DNAJC13: variants seen among roughly 807,000 people sequenced by gnomAD.
DNAJC13 encodes DnaJ heat shock protein family (Hsp40) member C13.
In DNAJC13, 75 loss-of-function variants were observed where a neutral mutation model predicts 290.5. The ratio of observed to expected loss-of-function variants is 0.26; its 90% CI spans 0.21 to 0.31. The LOEUF (loss-of-function observed/expected upper bound fraction) is 0.31. Among genes scored for constraint, DNAJC13 ranks in the 10% least tolerant of loss-of-function variants. The pLI is 1.00. For synonymous variants in DNAJC13, 862 were observed against 892.0 expected, an observed-to-expected ratio of 0.97 and a Z score of 0.60; for missense variants, 2,260 against 2,674.5, an observed-to-expected ratio of 0.85 and a Z score of 3.42.
intron 42 of DNAJC13, among the ~76,000 whole-genome samples, chr3:132,506,045 C>CTTTTTTTTTTTTTTTTTTTTTTTTTT (rs573857472): frequency 2.8e-5 from 2 of 72,646 alleles, no homozygotes; most frequent in African/African-American, 4.3e-5. Context: ...TGTACATTAT[C>CTTTTTTTTTTTTTTTTTTTTTTTTTT]TTTTTTTTTT....
intron 41 of DNAJC13, among the ~76,000 whole-genome samples, chr3:132,504,515 A>G (rs1333970522): frequency 6.6e-6 from 1 of 152,120 alleles, no homozygotes; most frequent in Non-Finnish European, 1.5e-5. Flanking sequence ...AAAATTTTTT[A>G]TAGCATTTCA....
intron 1 of DNAJC13, among the ~76,000 whole-genome samples, chr3:132,433,881 T>C (rs759655044): frequency 2.6e-4 from 39 of 152,204 alleles, no homozygotes; most frequent in African/African-American, 4.8e-5. Context: ...CTAAAGGTTA[T>C]GATAAAGAGT....
intron 43 of DNAJC13, among the ~76,000 whole-genome samples, chr3:132,509,725 C>T (rs1162660150): frequency 6.6e-6 from 1 of 152,188 alleles, no homozygotes; most frequent in African/African-American, 2.4e-5. Flanking sequence ...CTGTCAACAT[C>T]AAGGTGACAT....
rs750228844 is a variant in DNAJC13, at chr3:132,497,259, G to A, written c.4156+596G>A. On this transcript the variant is annotated intron_variant, in intron 36 of 55. Transcript: ENST00000260818. ...AGTGTTTGTGGGGCCATTTGCAGTA[G>A]CCCTAACAGTAGCAGTCAGAAAGCC... 4.3e-4 allele frequency among the ~76,000 whole-genome samples: 66 copies of A among 152,338 alleles called. 1 individual carries two copies. The highest frequency in any genetic ancestry group is 1.2e-3 in the South Asian group (6 of 4,828).
At chr3:132,438,087 A>G (rs1310019561) in intron 2 of DNAJC13, among the ~76,000 whole-genome samples, 1 of 150,522 alleles carries the variant, frequency 6.6e-6, no homozygotes, top group East Asian at 1.9e-4. Flanking sequence ...ACAGTTTGGT[A>G]GGCATTACAT....
chr3:132,475,174 A>G, intron 22 of DNAJC13, 89 bp downstream of exon 22: 1 of 955,704 alleles, frequency 1.0e-6, no homozygotes, highest in Non-Finnish European at 1.5e-6. Flanking sequence ...ATTTGTAATT[A>G]CATATCTGGT....
rs111708179 is a variant in DNAJC13, at chr3:132,487,612, A to G, written c.3268-686A>G. Among the ~76,000 whole-genome samples the G allele has an allele frequency of 6.2e-3, 838 of 134,806 alleles. 11 individuals carry two copies. Among genetic ancestry groups the G allele is most frequent in the East Asian group, 0.031 (139 of 4,538 alleles). 88.4% of individuals were successfully genotyped at this position (134,806 alleles called of 152,430 possible). A position where few individuals can be genotyped will look rare whatever the true frequency, so the allele number is the denominator to read the frequency against. Reference sequence around the variant, plus strand: ...GCATTTGACCCCGAATTGAGGATTCATTGGAAGCAAGTGTTTTATAGAAAA... The same window carrying G: ...GCATTTGACCCCGAATTGAGGATTCGTTGGAAGCAAGTGTTTTATAGAAAA... On this transcript the variant is annotated intron_variant, in intron 29 of 55. Coordinates refer to ENST00000260818, the MANE Select transcript of DNAJC13 (RefSeq NM_015268.4).
chr3:132,532,842 A>G (rs1432308709), intron 55 of DNAJC13, among the ~76,000 whole-genome samples: 1 of 150,518 alleles, frequency 6.6e-6, no homozygotes, highest in Non-Finnish European at 1.5e-5. Flanking sequence ...GATTCAAGTG[A>G]TTCTCCTGCC....
chr3:132,504,451 T>C (rs1163260235), intron 41 of DNAJC13, among the ~76,000 whole-genome samples: 1 of 152,154 alleles, frequency 6.6e-6, no homozygotes, highest in Non-Finnish European at 1.5e-5. Context: ...CTGAAAGCAT[T>C]CTCTTCAGAA....
At chr3:132,506,068 T>TTTTTTTTTG (rs1935576378) in intron 42 of DNAJC13, among the ~76,000 whole-genome samples, 1 of 140,188 alleles carries the variant, frequency 7.1e-6, no homozygotes, top group Non-Finnish European at 1.5e-5. Flanking sequence ...TTTTTTTTTT[T>TTTTTTTTTG]GAGATGGAAT....
intron 31 of DNAJC13, 63 bp downstream of exon 31, chr3:132,489,084 TC>T: frequency 4.5e-6 from 6 of 1,331,178 alleles, no homozygotes; most frequent in Non-Finnish European, 6.4e-6. Flanking sequence ...CTATAAAGTT[TC>T]CTGAGCTGTG....
Position 132,466,348 on chromosome 3 carries a change from A to C in DNAJC13, c.2018A>C (p.Lys673Thr). Reference protein sequence around the residue: ...YLESSDLVPEKDADRMHVRDN... With the variant: ...YLESSDLVPETDADRMHVRDN... ...GAAAGCTCAGATCTCGTACCTGAGA[A>C]GGATGCTGATCGGATGCATGTTAGA... Residue 673 changes from lysine to threonine, a missense_variant, in exon 19 of 56, where the codon AAG (lysine) becomes ACG (threonine). By Grantham distance (78) the Lys-to-Thr change is moderately conservative (BLOSUM62 -1). This residue lies in a region of DNAJC13 where 762 missense variants were observed against 964.1 expected (regional missense o/e 0.79). Transcript: ENST00000260818. The C allele has an allele frequency of 6.2e-7, 1 of 1,603,780 alleles. No individual in the cohort carries two copies. The highest frequency in any genetic ancestry group is 8.5e-7 in the Non-Finnish European group (1 of 1,177,224).
chr3:132,450,542 G>T (rs1016476779), intron 5 of DNAJC13, 105 bp from the exon 6 acceptor site: 7 of 710,230 alleles, frequency 9.9e-6, no homozygotes, highest in Non-Finnish European at 1.6e-5. Context: ...TATTTACGAT[G>T]ACAGTTAGAT....
intron 29 of DNAJC13, 95 bp from the exon 30 acceptor site, chr3:132,488,203 A>C: frequency 9.1e-7 from 1 of 1,099,110 alleles, no homozygotes; most frequent in Non-Finnish European, 1.2e-6. Context: ...TATAATTTAC[A>C]TAAGGAGCTA....
chr3:132,526,988 A>G (rs1404603619), intron 53 of DNAJC13, among the ~76,000 whole-genome samples: 2 of 152,170 alleles, frequency 1.3e-5, no homozygotes, highest in East Asian at 1.9e-4. Flanking sequence ...GTCAAAAAGT[A>G]CAGTTTCTGT....
chr3:132,523,891 G>C, intron 51 of DNAJC13, 178 bp downstream of exon 51: 1 of 598,182 alleles, frequency 1.7e-6, no homozygotes, highest in Non-Finnish European at 2.8e-6. Flanking sequence ...GTTCAAAAGT[G>C]AAGCTCTTTA....
At chr3:132,429,890 A>G (rs1407650119) in intron 1 of DNAJC13, among the ~76,000 whole-genome samples, 1 of 152,192 alleles carries the variant, frequency 6.6e-6, no homozygotes, top group Non-Finnish European at 1.5e-5. Flanking sequence ...TATTGGATGC[A>G]GAGTAAAACA....
chr3:132,479,341 T>A lies in DNAJC13; in HGVS notation c.2772+52T>A, dbSNP rs532240466. 509 of 1,230,320 alleles carry A rather than the reference T, an allele frequency of 4.1e-4. 1 individual carries two copies. The highest frequency in any genetic ancestry group is 4.6e-4 in the Non-Finnish European group (388 of 837,228). The allele number at this position is 1,230,320 out of a possible 1,614,324, so 76.2% of individuals were successfully genotyped here. A position where few individuals can be genotyped will look rare whatever the true frequency, so the allele number is the denominator to read the frequency against. ...GTTATTTCCAAGTCATATAAGTATG[T>A]AAGATAAACTCACAGTTTGAGTTGA... On this transcript the variant is annotated intron_variant, in intron 25 of 55. Coordinates refer to ENST00000260818, the MANE Select transcript of DNAJC13 (RefSeq NM_015268.4).
chr3:132,447,807 C>G lies in DNAJC13; in HGVS notation c.295-91C>G, dbSNP rs1933300382. 3.0e-6 allele frequency: 3 copies of G among 997,058 alleles called. No homozygotes were observed. In the East Asian group the frequency reaches 7.3e-5, roughly 24 times the overall value. The allele number at this position is 997,058 out of a possible 1,614,324, so 61.8% of individuals were successfully genotyped here. ...GTTTTTAGTGTCCAGGTTACCAAGT[C>G]AGGATTTTACTTGCTTTGAGTAGAA... On this transcript the variant is annotated intron_variant, in intron 4 of 55. Transcript: ENST00000260818.
Sources: gnomAD v4.1 joint callset for allele counts (sites outside exome capture counted in the v4.1 genomes callset) on GRCh38, gnomAD v4.1.1 for gene constraint, gnomAD v4.1.1 regional missense constraint, MANE v1.5 for transcripts, NCBI Gene and HGNC (gene_info 2026-07-23, HGNC 2026-07-21) for gene names.